The following SEPHS1 variants were observed in gnomAD, a reference collection of about 807,000 sequenced individuals.
SEPHS1 encodes the protein zincore component SEPHS1.
A neutral mutation model predicts 39.2 loss-of-function variants in SEPHS1; 7 were observed. The ratio of observed to expected loss-of-function variants is 0.18; its 90% CI spans 0.10 to 0.34. The LOEUF is 0.34. Among genes scored for constraint, SEPHS1 ranks in the 10% least tolerant of loss-of-function variants. The probability of loss-of-function intolerance (pLI) is 1.00; values close to 1 mark genes in which losing one functional copy is unlikely to be tolerated. For synonymous variants in SEPHS1, 190 were observed against 195.5 expected, an observed-to-expected ratio of 0.97 and a Z score of 0.23; for missense variants, 253 against 514.5, an observed-to-expected ratio of 0.49 and a Z score of 4.92.
At chr10:13,319,548 G>A (rs577341493) in intron 8 of SEPHS1, among the ~76,000 whole-genome samples, 192 bp from the exon 9 acceptor site, 57 of 152,138 alleles carry the variant, frequency 3.7e-4, no homozygotes, top group Non-Finnish European at 7.8e-4. Context: ...GAGTGCAGTG[G>A]TACAATCACA....
chr10:13,332,436 T>C (rs1248836233), intron 5 of SEPHS1, among the ~76,000 whole-genome samples: 2 of 152,174 alleles, frequency 1.3e-5, no homozygotes, highest in South Asian at 2.1e-4. Flanking sequence ...AATTGGATAG[T>C]GGTGATGGGT....
intron 7 of SEPHS1, among the ~76,000 whole-genome samples, chr10:13,327,506 A>G (rs10752296): frequency 0.41 from 62,205 of 152,060 alleles, 14,392 homozygotes; most frequent in East Asian, 0.69. Context: ...ACTATTTTCC[A>G]TTTTCTAAAA....
chr10:13,340,746 AC>A (rs1833757298), intron 2 of SEPHS1: 2 of 152,254 alleles, frequency 1.3e-5, no homozygotes. Context: ...GATCAGAGTA[AC>A]GGGGGATTCT....
Position 13,319,373 on chromosome 10 carries a change from A to G in SEPHS1, c.965-17T>C, listed in dbSNP as rs1467041740. On this transcript the variant is annotated splice_polypyrimidine_tract_variant and intron_variant, in intron 8 of 8. Transcript: ENST00000327347. ...GAAGGCCGCCTGGCAAAAGAAAACA[A>G]GAATGACTGTTAGTGTTGACATGAC... 1 of 1,611,994 alleles carries G rather than the reference A, an allele frequency of 6.2e-7. No homozygotes were observed. The highest frequency in any genetic ancestry group is 1.3e-5 in the African/African-American group (1 of 74,794).
At chr10:13,346,910 G>A (rs1318661666) in intron 1 of SEPHS1, among the ~76,000 whole-genome samples, 7 of 152,012 alleles carry the variant, frequency 4.6e-5, no homozygotes, top group Non-Finnish European at 8.8e-5. Context: ...TCAGGAAGGC[G>A]CTCAGATTTA....
intron 1 of SEPHS1, 137 bp downstream of exon 1, chr10:13,347,863 T>G (rs1588553888): frequency 7.1e-6 from 1 of 140,268 alleles, no homozygotes; most frequent in East Asian, 2.3e-4. Flanking sequence ...CAGGCAGGGC[T>G]GGCGGGGCCG....
In SEPHS1 at chr10:13,325,895, C is replaced by CA. The variant is rs562038894; in HGVS notation, c.751+2455dup. Among the ~76,000 whole-genome samples, 5 of 26,450 alleles carry CA rather than the reference C, an allele frequency of 1.9e-4. 1 individual carries two copies. Among genetic ancestry groups the CA allele is most frequent in the Non-Finnish European group, 2.3e-4 (4 of 17,158 alleles). 17.4% of individuals were successfully genotyped at this position (26,450 alleles called of 152,430 possible). On this transcript the variant is annotated intron_variant, in intron 7 of 8. Transcript: ENST00000327347. Reference sequence around the variant, plus strand: ...CCTGGGCGACAGCGAGACTCCGTCTCAAAAAAAAAAAAAAAAAAAAAAAAA... The same window carrying CA: ...CCTGGGCGACAGCGAGACTCCGTCTCAAAAAAAAAAAAAAAAAAAAAAAAAA...
Position 13,322,857 on chromosome 10 carries a change from G to C in SEPHS1, c.942C>G (p.His314Gln). 6.2e-7 allele frequency: 1 copy of C among 1,613,768 alleles called. No individual in the cohort carries two copies. Among genetic ancestry groups the C allele is most frequent in the Non-Finnish European group, 8.5e-7 (1 of 1,179,872 alleles). Reference protein sequence around the residue: ...KACGNMFGLMHGTCPETSGGL... With the variant: ...KACGNMFGLMQGTCPETSGGL... ...TACCTGAAGTCTCCGGGCAGGTCCC[G>C]TGCATGAGGCCGAACATGTTTCCGC... The change falls in exon 8 of 9, where the codon CAC becomes CAG. Residue 314 changes from histidine to glutamine, a missense_variant. Around this residue, in one of 4 missense-constraint regions of SEPHS1, gnomAD observed 107 missense variants for 257.1 expected, o/e 0.42. Coordinates refer to ENST00000327347, the MANE Select transcript of SEPHS1 (RefSeq NM_012247.5).
intron 4 of SEPHS1, 39 bp from the exon 5 acceptor site, chr10:13,334,010 T>G (rs775284318): frequency 2.6e-6 from 4 of 1,563,172 alleles, no homozygotes; most frequent in Non-Finnish European, 3.5e-6. Context: ...GTCAAAGAAT[T>G]CTGTTCAAAA....
At chr10:13,330,750 A>T (rs1833437747) in intron 5 of SEPHS1, among the ~76,000 whole-genome samples, 1 of 152,196 alleles carries the variant, frequency 6.6e-6, no homozygotes, top group African/African-American at 2.4e-5. Context: ...TACGCAAGAA[A>T]CTTGTTTTCC....
intron 7 of SEPHS1, among the ~76,000 whole-genome samples, chr10:13,323,424 G>A (rs954592357): frequency 4.6e-5 from 7 of 151,810 alleles, no homozygotes; most frequent in Admixed American, 6.6e-5. Context: ...GTACGATCTC[G>A]GCTCACTGCA....
rs577951504 is a variant in SEPHS1 at position 13,331,195 on chromosome 10, C to T, written c.561-1407G>A. ...TTTTTTACGGCTGCGTAGTATTCCA[C>T]GGTGTGTATGTGCCACATTTTCTTA... On this transcript the variant is annotated intron_variant, in intron 5 of 8. Transcript: ENST00000327347. Among the ~76,000 whole-genome samples, 46 of 152,190 alleles carry T rather than the reference C, an allele frequency of 3.0e-4. No homozygotes were observed. In the South Asian group the frequency reaches 3.7e-3, roughly 12 times the overall value.
chr10:13,325,895 C>CAAAAAA lies in SEPHS1; in HGVS notation c.751+2450_751+2455dup, dbSNP rs562038894. ...CCTGGGCGACAGCGAGACTCCGTCT[C>CAAAAAA]AAAAAAAAAAAAAAAAAAAAAAAAA... On this transcript the variant is annotated intron_variant, in intron 7 of 8. Transcript: ENST00000327347. 3.8e-4 allele frequency among the ~76,000 whole-genome samples: 10 copies of CAAAAAA among 26,446 alleles called. 1 individual carries two copies. The highest frequency in any genetic ancestry group is 4.7e-4 in the Non-Finnish European group (8 of 17,158). 17.3% of individuals were successfully genotyped at this position (26,446 alleles called of 152,430 possible). A position where few individuals can be genotyped will look rare whatever the true frequency, so the allele number is the denominator to read the frequency against.
At chr10:13,338,307 A>G in intron 3 of SEPHS1, among the ~76,000 whole-genome samples, 1 of 152,234 alleles carries the variant, frequency 6.6e-6, no homozygotes, top group Middle Eastern at 3.2e-3. Flanking sequence ...GATCAGTCCT[A>G]TTACAGAGGA....
At chr10:13,328,296 A>C in intron 7 of SEPHS1, 55 bp downstream of exon 7, 5 of 1,240,958 alleles carry the variant, frequency 4.0e-6, no homozygotes, top group South Asian at 1.2e-5. Flanking sequence ...GAAAAGCCTA[A>C]GACATTTACT....
At chr10:13,325,052 G>A (rs1009060317) in intron 7 of SEPHS1, among the ~76,000 whole-genome samples, 2 of 152,070 alleles carry the variant, frequency 1.3e-5, no homozygotes, top group Admixed American at 6.6e-5. Flanking sequence ...GTATATTTTG[G>A]ATACCTGACC....
chr10:13,328,324 C>T (rs760895503), intron 7 of SEPHS1, 27 bp downstream of exon 7: 39 of 1,479,138 alleles, frequency 2.6e-5, no homozygotes, highest in Non-Finnish European at 3.7e-5. Flanking sequence ...ACCCCTGGGA[C>T]CGAAGCGCCC....
chr10:13,342,210 T>C (rs1377593307), intron 2 of SEPHS1, among the ~76,000 whole-genome samples: 2 of 148,948 alleles, frequency 1.3e-5, no homozygotes, highest in East Asian at 4.0e-4. Context: ...GAGCTTGCAA[T>C]GAGCGGAGAT....
At chr10:13,327,945 C>G (rs1833352752) in intron 7 of SEPHS1, among the ~76,000 whole-genome samples, 1 of 152,202 alleles carries the variant, frequency 6.6e-6, no homozygotes, top group African/African-American at 2.4e-5. Flanking sequence ...ACACAAAATT[C>G]AGTGGTTACA....
Sources: gnomAD v4.1 joint callset for allele counts (sites outside exome capture counted in the v4.1 genomes callset) on GRCh38, gnomAD v4.1.1 for gene constraint, gnomAD v4.1.1 regional missense constraint, MANE v1.5 for transcripts, NCBI Gene and HGNC (gene_info 2026-07-23, HGNC 2026-07-21) for gene names.